Variants in RIMS2 observed in about 807,000 individuals in gnomAD.
RIMS2 encodes the protein regulating synaptic membrane exocytosis protein 2.
In RIMS2, 59 loss-of-function variants were observed where a neutral mutation model predicts 174.4. That is an observed-to-expected ratio of 0.34 (90% CI 0.27 to 0.42). The LOEUF is 0.42. RIMS2 is among the 10% of genes least tolerant of loss of function. RIMS2 has a pLI of 1.00. For missense variants in RIMS2, 1,620 were observed against 1,666.3 expected (o/e 0.97, Z 0.48); for synonymous variants, 606 against 572.5 (o/e 1.06, Z -0.84).
At chr8:104,044,214 A>T (rs1272241508) in intron 19 of RIMS2, among the ~76,000 whole-genome samples, 3 of 151,636 alleles carry the variant, frequency 2.0e-5, no homozygotes, top group Admixed American at 2.0e-4. Context: ...AGTAGAAAAG[A>T]TTAGGAGGTC....
downstream of RIMS2, chr8:104,255,106 A>G (rs1216056099): frequency 6.6e-6 from 1 of 152,190 alleles, no homozygotes; most frequent in Non-Finnish European, 1.5e-5. Context: ...ATCTAAGTCT[A>G]GCTGTCTCTC....
intron 3 of RIMS2, among the ~76,000 whole-genome samples, chr8:103,789,240 T>C (rs1354031253): frequency 6.6e-6 from 1 of 151,898 alleles, no homozygotes; most frequent in Non-Finnish European, 1.5e-5. Context: ...TTTGTGTCGC[T>C]CTCGCTGGGA....
chr8:103,534,244 A>G (rs904260766), intron 1 of RIMS2, among the ~76,000 whole-genome samples: 2 of 152,220 alleles, frequency 1.3e-5, no homozygotes, highest in African/African-American at 4.8e-5. Context: ...GCTACTTTAT[A>G]TGCTTCCTAT....
chr8:103,573,110 A>G (rs999624912), intron 1 of RIMS2, among the ~76,000 whole-genome samples: 5 of 151,060 alleles, frequency 3.3e-5, no homozygotes, highest in Non-Finnish European at 5.9e-5. Flanking sequence ...TCCAGGCTGG[A>G]TGTGGTGGTG....
intron 1 of RIMS2, among the ~76,000 whole-genome samples, chr8:103,674,495 A>G (rs947091007): frequency 2.6e-5 from 4 of 151,876 alleles, no homozygotes; most frequent in Non-Finnish European, 5.9e-5. Context: ...TTTTTTTTGT[A>G]TCTATATCTT....
intron 16 of RIMS2, among the ~76,000 whole-genome samples, chr8:103,986,864 A>G (rs1596445164): frequency 6.6e-6 from 1 of 150,648 alleles, no homozygotes; most frequent in East Asian, 1.9e-4. Flanking sequence ...GAAGAGTGAA[A>G]CTCCGTCTCA....
intron 17 of RIMS2, among the ~76,000 whole-genome samples, chr8:104,001,885 A>G (rs1483013916): frequency 6.6e-6 from 1 of 152,024 alleles, no homozygotes; most frequent in East Asian, 1.9e-4. Context: ...TGTTGCTGTC[A>G]TTTGTTGAGC....
chr8:103,783,246 T>C (rs912174315), intron 3 of RIMS2, among the ~76,000 whole-genome samples: 1 of 151,470 alleles, frequency 6.6e-6, no homozygotes, highest in African/African-American at 2.4e-5. Context: ...CTCCTTAGCA[T>C]AGCAGTTTGT....
At chr8:103,576,381 G>A (rs966122567) in intron 1 of RIMS2, among the ~76,000 whole-genome samples, 9 of 152,248 alleles carry the variant, frequency 5.9e-5, no homozygotes, top group African/African-American at 1.2e-4. Context: ...AGCCAGATAG[G>A]TAAGACTGGA....
intron 3 of RIMS2, among the ~76,000 whole-genome samples, chr8:103,789,527 G>C (rs1331740825): frequency 6.6e-6 from 1 of 152,032 alleles, no homozygotes; most frequent in Non-Finnish European, 1.5e-5. Flanking sequence ...ACCTAATAAT[G>C]GGAGTGATAT....
chr8:103,938,783 G>A (rs2081898075), intron 13 of RIMS2, among the ~76,000 whole-genome samples: 2 of 152,140 alleles, frequency 1.3e-5, no homozygotes, highest in African/African-American at 2.4e-5. Context: ...CACGCATTGG[G>A]TAAATACAGC....
At chr8:103,550,166 C>G (rs908087719) in intron 1 of RIMS2, among the ~76,000 whole-genome samples, 2 of 152,196 alleles carry the variant, frequency 1.3e-5, no homozygotes, top group Non-Finnish European at 2.9e-5. Context: ...CTTCTCAGCA[C>G]CATATCGCAC....
intron 3 of RIMS2, among the ~76,000 whole-genome samples, chr8:103,856,875 C>T (rs1195352729): frequency 2.0e-5 from 3 of 151,642 alleles, no homozygotes; most frequent in African/African-American, 7.3e-5. Flanking sequence ...GGCATGGTCT[C>T]GGCTCATTGC....
At chr8:103,869,234 C>T (rs527926298) in intron 3 of RIMS2, among the ~76,000 whole-genome samples, 5 of 150,302 alleles carry the variant, frequency 3.3e-5, no homozygotes, top group Admixed American at 6.6e-5. Context: ...TCGCTCCTGT[C>T]GCCCAGGCTG....
At chr8:103,732,835 G>T (rs2097623606) in intron 2 of RIMS2, among the ~76,000 whole-genome samples, 1 of 152,112 alleles carries the variant, frequency 6.6e-6, no homozygotes, top group African/African-American at 2.4e-5. Context: ...TTCCTTCAGG[G>T]TAGTCAGTTC....
At chr8:103,903,721 T>A (rs1314026477) in intron 4 of RIMS2, among the ~76,000 whole-genome samples, 1 of 152,152 alleles carries the variant, frequency 6.6e-6, no homozygotes, top group Non-Finnish European at 1.5e-5. Flanking sequence ...TGTAACTTCC[T>A]ATCTGAAGCA....
intron 1 of RIMS2, among the ~76,000 whole-genome samples, chr8:103,577,635 C>T (rs558465490): frequency 6.6e-6 from 1 of 152,196 alleles, no homozygotes; most frequent in Admixed American, 6.5e-5. Flanking sequence ...AGTATTAATA[C>T]AGTTACTGTG....
At chr8:103,538,004 A>T (rs35941508) in intron 1 of RIMS2, among the ~76,000 whole-genome samples, 17,648 of 152,184 alleles carry the variant, frequency 0.12, 1,360 homozygotes, top group Non-Finnish European at 0.17. Context: ...TATTGACAAT[A>T]TATGGAATAT....
intron 1 of RIMS2, among the ~76,000 whole-genome samples, chr8:103,553,728 A>G (rs994408738): frequency 4.6e-5 from 7 of 152,046 alleles, no homozygotes; most frequent in Non-Finnish European, 1.0e-4. Flanking sequence ...GAACCAAAAA[A>G]GAGCCCAAAT....
Sources: allele counts gnomAD v4.1 joint callset (sites outside exome capture counted in the v4.1 genomes callset), GRCh38; gene constraint gnomAD v4.1.1; transcripts MANE v1.5; gene names NCBI Gene and HGNC (gene_info 2026-07-23, HGNC 2026-07-21).